DLGAP2: variants seen among roughly 807,000 people sequenced by gnomAD.
DLGAP2 encodes the protein disks large-associated protein 2.
A neutral mutation model predicts 100.3 loss-of-function variants in DLGAP2; 26 were observed. The observed-to-expected ratio is 0.26, with a 90% CI of 0.19 to 0.36. DLGAP2 has a LOEUF of 0.36. Ranked by LOEUF, DLGAP2 falls within the 10% of genes least tolerant of loss-of-function variation. The probability of loss-of-function intolerance (pLI) is 1.00; values close to 1 mark genes in which losing one functional copy is unlikely to be tolerated. For synonymous variants in DLGAP2, 886 were observed against 630.1 expected (o/e 1.41, Z -6.08); for missense variants, 1,858 against 1,453.2 (o/e 1.28, Z -4.53).
At chr8:843,414 C>T (rs2132719556) in intron 1 of DLGAP2, among the ~76,000 whole-genome samples, 1 of 152,324 alleles carries the variant, frequency 6.6e-6, no homozygotes, top group African/African-American at 2.4e-5. Context: ...TACGGGGAGA[C>T]CCCTCTGCAC....
chr8:983,241 C>A lies in DLGAP2; in HGVS notation c.73+75275C>A, dbSNP rs142812244. On this transcript the variant is annotated intron_variant, in intron 2 of 14. Coordinates refer to ENST00000637795, the MANE Select transcript of DLGAP2 (RefSeq NM_001346810.2). ...GGAAGGTACAGGTCCTCGAGATGTT[C>A]TTGTGTCCCTTAGAATCCACGTGTT... Among the ~76,000 whole-genome samples, 1,471 of 152,152 alleles carry A rather than the reference C, an allele frequency of 9.7e-3. 21 individuals are homozygous for A. The highest frequency in any genetic ancestry group is 0.033 in the African/African-American group (1,377 of 41,484).
At chr8:1,197,050 C>T (rs1271475667) in intron 2 of DLGAP2, among the ~76,000 whole-genome samples, 2 of 152,110 alleles carry the variant, frequency 1.3e-5, no homozygotes, top group East Asian at 1.9e-4. Context: ...AGATGGAGGC[C>T]TCGCCCAAGA....
At chr8:922,037 G>A (rs1336717786) in intron 2 of DLGAP2, among the ~76,000 whole-genome samples, 4 of 152,364 alleles carry the variant, frequency 2.6e-5, no homozygotes, top group African/African-American at 9.6e-5. Context: ...GCCCGGGTGT[G>A]GCACAGCTGG....
intron 12 of DLGAP2, among the ~76,000 whole-genome samples, chr8:1,691,326 C>G (rs1799255011): frequency 6.6e-6 from 1 of 152,196 alleles, no homozygotes; most frequent in African/African-American, 2.4e-5. Flanking sequence ...AATGTCCTCA[C>G]AGTGACATCT....
At chr8:1,185,739 A>T (rs1161424218) in intron 2 of DLGAP2, among the ~76,000 whole-genome samples, 1 of 114,928 alleles carries the variant, frequency 8.7e-6, no homozygotes, top group Non-Finnish European at 2.0e-5. Context: ...ACACTCACAC[A>T]CACACACTCA....
chr8:1,627,468 C>T (rs1299103898), intron 7 of DLGAP2, among the ~76,000 whole-genome samples: 2 of 152,236 alleles, frequency 1.3e-5, no homozygotes, highest in African/African-American at 4.8e-5. Flanking sequence ...CTGCTCCCCA[C>T]CTGTGGTGGA....
At chr8:1,142,669 G>C (rs1047260950) in intron 2 of DLGAP2, among the ~76,000 whole-genome samples, 26 of 151,998 alleles carry the variant, frequency 1.7e-4, no homozygotes, top group African/African-American at 6.3e-4. Flanking sequence ...CAGCTGTTCC[G>C]TTGGCCGTTG....
At chr8:1,000,476 A>G (rs1417076433) in intron 2 of DLGAP2, among the ~76,000 whole-genome samples, 3 of 149,026 alleles carry the variant, frequency 2.0e-5, no homozygotes, top group Admixed American at 1.3e-4. Flanking sequence ...TTTTCTCTAG[A>G]GCGGACAGAT....
chr8:1,344,176 G>GTCGTGAGTCCGTGTACTCGGGTCC (rs1801499360), intron 3 of DLGAP2, among the ~76,000 whole-genome samples: 3 of 31,360 alleles, frequency 9.6e-5, no homozygotes, highest in African/African-American at 3.7e-4. Flanking sequence ...TACTCGGGGC[G>GTCGTGAGTCCGTGTACTCGGGTCC]CTGTCGTGGG....
intron 1 of DLGAP2, among the ~76,000 whole-genome samples, chr8:881,944 A>C (rs1436983277): frequency 1.3e-5 from 2 of 152,116 alleles, no homozygotes; most frequent in African/African-American, 4.8e-5. Context: ...TCATTCCAGG[A>C]TATCTGAGTC....
intron 2 of DLGAP2, among the ~76,000 whole-genome samples, chr8:1,013,564 C>G (rs1451228094): frequency 2.0e-5 from 3 of 152,092 alleles, no homozygotes; most frequent in Non-Finnish European, 2.9e-5. Context: ...CCAGACAGCA[C>G]TAGTGTGACC....
rs528789591 is a variant in DLGAP2 at position 1,568,287 on chromosome 8, C to CACTCT, written c.1442+2393_1442+2394insACTCT. Among the ~76,000 whole-genome samples, 94 of 56,194 alleles carry CACTCT rather than the reference C, an allele frequency of 1.7e-3. 6 individuals are homozygous for CACTCT. The highest frequency in any genetic ancestry group is 2.3e-3 in the African/African-American group (29 of 12,844). The allele number at this position is 56,194 out of a possible 152,430, so 36.9% of individuals were successfully genotyped here. ...ACTGTCCACTCAGCAGACACAAATC[C>CACTCT]GTCTTTGCCTGTGGCCTCCATGCCA... is the stretch of plus-strand genomic sequence containing the variant. On this transcript the variant is annotated intron_variant, in intron 6 of 14. Transcript: ENST00000637795.
At chr8:974,234 A>G (rs953712669) in intron 2 of DLGAP2, among the ~76,000 whole-genome samples, 4 of 152,252 alleles carry the variant, frequency 2.6e-5, no homozygotes, top group Non-Finnish European at 5.9e-5. Flanking sequence ...ACTATAGAAA[A>G]TCAAAGATGA....
chr8:900,833 CAG>C (rs2128997356), intron 1 of DLGAP2, among the ~76,000 whole-genome samples: 1 of 152,184 alleles, frequency 6.6e-6, no homozygotes, highest in African/African-American at 2.4e-5. Context: ...CACAGAGAAA[CAG>C]AAAACAGAAA....
intron 14 of DLGAP2, among the ~76,000 whole-genome samples, chr8:1,700,019 C>A (rs761747185): frequency 6.6e-5 from 10 of 152,138 alleles, no homozygotes; most frequent in African/African-American, 2.4e-4. Context: ...ATGAACTGAT[C>A]CCCCCCATTG....
intron 2 of DLGAP2, among the ~76,000 whole-genome samples, chr8:1,208,904 A>C (rs1798049839): frequency 6.7e-6 from 1 of 150,004 alleles, no homozygotes; most frequent in Non-Finnish European, 1.5e-5. Flanking sequence ...AAATAAATAA[A>C]TAAATAAAAT....
intron 2 of DLGAP2, among the ~76,000 whole-genome samples, chr8:985,900 GAA>G (rs1421491301): frequency 2.0e-5 from 3 of 152,072 alleles, no homozygotes. Flanking sequence ...GCTCCTCGAT[GAA>G]ACCCTCTTCC....
intron 1 of DLGAP2, among the ~76,000 whole-genome samples, chr8:865,204 C>G (rs1186036280): frequency 6.6e-6 from 1 of 152,228 alleles, no homozygotes; most frequent in Non-Finnish European, 1.5e-5. Flanking sequence ...TCTGCAACAT[C>G]TTGGCTCCAG....
chr8:1,452,510 C>T (rs1389356653), intron 3 of DLGAP2, among the ~76,000 whole-genome samples: 2 of 152,226 alleles, frequency 1.3e-5, no homozygotes, highest in Non-Finnish European at 2.9e-5. Context: ...CCCGATGCTT[C>T]TGAGCTTGTG....
Sources: allele counts gnomAD v4.1 joint callset (sites outside exome capture counted in the v4.1 genomes callset), GRCh38; gene constraint gnomAD v4.1.1; transcripts MANE v1.5; gene names NCBI Gene and HGNC (gene_info 2026-07-23, HGNC 2026-07-21).